SOX13: variants seen among roughly 807,000 people sequenced by gnomAD.
SOX13 encodes the protein transcription factor SOX-13.
SOX13 carries 28 observed loss-of-function variants against 71.8 expected under a neutral mutation model. That is an observed-to-expected ratio of 0.39 (90% CI 0.29 to 0.53). The LOEUF (loss-of-function observed/expected upper bound fraction) is 0.53, where lower values mean the gene tolerates loss of function less well. Among genes scored for constraint, SOX13 ranks in the 20% least tolerant of loss-of-function variants. The probability of loss-of-function intolerance (pLI) is 0.70; values close to 1 mark genes in which losing one functional copy is unlikely to be tolerated. For synonymous variants in SOX13, 309 were observed against 317.8 expected (o/e 0.97, Z 0.29); for missense variants, 627 against 810.3 (o/e 0.77, Z 2.75).
chr1:204,107,741 G>C (rs1275585272), intron 1 of SOX13, among the ~76,000 whole-genome samples: 1 of 152,204 alleles, frequency 6.6e-6, no homozygotes, highest in Non-Finnish European at 1.5e-5. Context: ...GGGGCGGGGT[G>C]GCATTGTGCC....
intron 5 of SOX13, among the ~76,000 whole-genome samples, 183 bp downstream of exon 5, chr1:204,116,862 G>C (rs144899514): frequency 6.6e-6 from 1 of 152,216 alleles, no homozygotes; most frequent in Non-Finnish European, 1.5e-5. Context: ...CCTTGTACAG[G>C]GTTAGGGGTG....
chr1:204,094,203 G>A (rs998388317), intron 1 of SOX13, among the ~76,000 whole-genome samples: 1 of 152,210 alleles, frequency 6.6e-6, no homozygotes, highest in Non-Finnish European at 1.5e-5. Context: ...CCAGTTTACG[G>A]ATGGGAACGA....
chr1:204,121,736 A>C (rs1338605824), intron 7 of SOX13, 164 bp from the exon 8 acceptor site: 8 of 688,282 alleles, frequency 1.2e-5, no homozygotes, highest in Non-Finnish European at 2.1e-5. Flanking sequence ...GTGAGGGGAT[A>C]GGAGCCTCCA....
intron 1 of SOX13, among the ~76,000 whole-genome samples, chr1:204,079,928 A>T (rs1655867191): frequency 6.6e-6 from 1 of 152,096 alleles, no homozygotes; most frequent in African/African-American, 2.4e-5. Context: ...AAGCTGCAGG[A>T]TGTGCTGTGT....
intron 1 of SOX13, among the ~76,000 whole-genome samples, chr1:204,089,262 C>T (rs989228493): frequency 2.0e-5 from 3 of 152,066 alleles, no homozygotes; most frequent in African/African-American, 7.2e-5. Context: ...TCTTGGCGTG[C>T]GCTAGAGGAC....
intron 1 of SOX13, among the ~76,000 whole-genome samples, chr1:204,104,294 G>A (rs1364849511): frequency 6.6e-6 from 1 of 152,218 alleles, no homozygotes; most frequent in Non-Finnish European, 1.5e-5. Context: ...GACCGGCCGT[G>A]CCCTGGATCT....
intron 7 of SOX13, 60 bp downstream of exon 7, chr1:204,117,767 C>T (rs1237439181): frequency 2.0e-5 from 22 of 1,084,078 alleles, no homozygotes; most frequent in East Asian, 5.1e-5. Flanking sequence ...TCAGGGAAAG[C>T]GCCCTGGAGC....
At chr1:204,113,266 C>A in intron 2 of SOX13, 132 bp downstream of exon 2, 1 of 773,298 alleles carries the variant, frequency 1.3e-6, no homozygotes, top group Non-Finnish European at 2.0e-6. Context: ...GGTAAGACGC[C>A]ATGTAGGGAA....
At chr1:204,114,666 C>A in intron 4 of SOX13, 61 bp downstream of exon 4, 1 of 1,308,984 alleles carries the variant, frequency 7.6e-7, no homozygotes, top group Non-Finnish European at 1.1e-6. Flanking sequence ...CCTGGTCTGG[C>A]CACGCAGCCT....
Position 204,110,446 on chromosome 1 carries a change from A to T in SOX13, c.-1-2469A>T, listed in dbSNP as rs538212133. Among the ~76,000 whole-genome samples the T allele has an allele frequency of 6.6e-5, 10 of 151,948 alleles. No individual in the cohort carries two copies. The South Asian group carries it at 2.1e-3, about 32-fold the overall frequency. Reference sequence around the variant, plus strand: ...CTCTCAAAGTGTTGAGATTACAGGCATGAGCCCCTGTGCCTCTAGATTACT... The same window carrying T: ...CTCTCAAAGTGTTGAGATTACAGGCTTGAGCCCCTGTGCCTCTAGATTACT... On this transcript the variant is annotated intron_variant, in intron 1 of 13. Coordinates refer to ENST00000367204, the MANE Select transcript of SOX13 (RefSeq NM_005686.3).
chr1:204,085,084 G>A (rs575194820), intron 1 of SOX13, among the ~76,000 whole-genome samples: 1 of 152,298 alleles, frequency 6.6e-6, no homozygotes, highest in South Asian at 2.1e-4. Context: ...TAGGGCAGGA[G>A]GTGGCCAGGG....
intron 1 of SOX13, among the ~76,000 whole-genome samples, chr1:204,080,989 G>T (rs547825567): frequency 1.3e-4 from 18 of 143,244 alleles, no homozygotes; most frequent in African/African-American, 4.4e-4. Flanking sequence ...TCAGCTCACC[G>T]CAACATCCGC....
chr1:204,079,342 CAT>C (rs1655851496), intron 1 of SOX13, among the ~76,000 whole-genome samples: 1 of 100,550 alleles, frequency 9.9e-6, no homozygotes. Flanking sequence ...CAGCATAGAA[CAT>C]TTTTTTTTTT....
chr1:204,107,046 T>G (rs962493923), intron 1 of SOX13, among the ~76,000 whole-genome samples: 1 of 152,190 alleles, frequency 6.6e-6, no homozygotes, highest in African/African-American at 2.4e-5. Flanking sequence ...AGAGTTGGGA[T>G]TCAAATGTAC....
chr1:204,112,920 C>A lies in SOX13; in HGVS notation c.5C>A (p.Ser2Tyr), dbSNP rs760980007. ...TCACTCTGTCCCTCCCCCAGGATGT[C>A]CATGAGGAGCCCCATCTCTGCCCAG... MSMRSPISAQLA... is the reference protein window; with the variant it reads MYMRSPISAQLA... Residue 2 changes from serine (S) to tyrosine (Y), a missense_variant, in exon 2 of 14, where the codon TCC becomes TAC. By Grantham distance (144) the Ser-to-Tyr change is moderately radical (BLOSUM62 -2). Transcript: ENST00000367204. 5 of 1,613,000 alleles carry A rather than the reference C, an allele frequency of 3.1e-6. No individual in the cohort carries two copies. The African/African-American group carries it at 6.7e-5, about 22-fold the overall frequency.
At chr1:204,122,084 C>A in intron 8 of SOX13, 99 bp downstream of exon 8, 3 of 1,050,028 alleles carry the variant, frequency 2.9e-6, no homozygotes, top group African/African-American at 1.6e-5. Flanking sequence ...TGAGCCCTGG[C>A]ATCCTGTGTT....
At chr1:204,105,527 T>A (rs905872199) in intron 1 of SOX13, among the ~76,000 whole-genome samples, 3 of 151,862 alleles carry the variant, frequency 2.0e-5, no homozygotes, top group African/African-American at 7.3e-5. Context: ...TGCCTCAGCC[T>A]CCTGAGTAGC....
intron 1 of SOX13, among the ~76,000 whole-genome samples, chr1:204,080,515 C>T (rs538026498): frequency 3.9e-4 from 60 of 152,234 alleles, no homozygotes; most frequent in African/African-American, 1.3e-3. Context: ...AGAGGAGGCC[C>T]GACTGTTCTC....
intron 1 of SOX13, among the ~76,000 whole-genome samples, chr1:204,083,684 T>A (rs532086999): frequency 1.3e-5 from 2 of 152,176 alleles, no homozygotes; most frequent in African/African-American, 4.8e-5. Context: ...GGAGTGGATG[T>A]TGGGGACTGC....
Sources: allele counts gnomAD v4.1 joint callset (sites outside exome capture counted in the v4.1 genomes callset), GRCh38; gene constraint gnomAD v4.1.1; transcripts MANE v1.5; gene names NCBI Gene and HGNC (gene_info 2026-07-23, HGNC 2026-07-21).